PTPN7: variants seen among roughly 807,000 people sequenced by gnomAD.
The protein encoded by PTPN7 is tyrosine-protein phosphatase non-receptor type 7.
PTPN7 carries 33 observed loss-of-function variants against 50.3 expected under a neutral mutation model. The ratio of observed to expected loss-of-function variants is 0.66; its 90% CI spans 0.50 to 0.88. The LOEUF (loss-of-function observed/expected upper bound fraction) is 0.88, where lower values mean the gene tolerates loss of function less well. Ranked by LOEUF, PTPN7 falls within the 40% of genes least tolerant of loss-of-function variation. The pLI is 0.00. For missense variants in PTPN7, 412 were observed against 475.4 expected (o/e 0.87, Z 1.24); for synonymous variants, 185 against 186.6 (o/e 0.99, Z 0.07).
chr1:202,148,285 C>A lies in PTPN7; in HGVS notation c.*321G>T. On this transcript the variant is annotated 3_prime_UTR_variant, in exon 10 of 10. Coordinates refer to ENST00000691036, the MANE Select transcript of PTPN7 (RefSeq NM_002832.4). ...AGCTCACAAAGAGTGTCTCAGAGAACACCAGGACACCTGGGCTTCTTTCTT... is the reference window on the plus strand; with the variant it reads ...AGCTCACAAAGAGTGTCTCAGAGAAAACCAGGACACCTGGGCTTCTTTCTT... 1 of 254,738 alleles carries A rather than the reference C, an allele frequency of 3.9e-6. No individual in the cohort carries two copies. The highest frequency in any genetic ancestry group is 7.5e-6 in the Non-Finnish European group (1 of 133,654). The allele number at this position is 254,738 out of a possible 1,614,324, so 15.8% of individuals were successfully genotyped here. A position where few individuals can be genotyped will look rare whatever the true frequency, so the allele number is the denominator to read the frequency against.
In PTPN7 at chr1:202,160,397, A is replaced by C; in HGVS notation, c.-53+148T>G. On this transcript the variant is annotated intron_variant, in intron 1 of 9. Coordinates refer to ENST00000691036, the MANE Select transcript of PTPN7 (RefSeq NM_002832.4). This position sits in a 1 kb window ranked among gnomAD's most constrained non-coding sequence, Gnocchi z 4.8. ...CCCTGCTCACCCCCGTCTTGGGGAC[A>C]TCAGGTCTGTGAGCACCCATACCCC... 1.2e-6 allele frequency: 1 copy of C among 808,500 alleles called. No homozygotes were observed. Among genetic ancestry groups the C allele is most frequent in the South Asian group, 1.8e-5 (1 of 56,280 alleles). The allele number at this position is 808,500 out of a possible 1,614,324, so 50.1% of individuals were successfully genotyped here.
intron 4 of PTPN7, among the ~76,000 whole-genome samples, chr1:202,157,113 A>ATCTTAGGTAGG (rs1010269403): frequency 1.3e-5 from 2 of 152,226 alleles, no homozygotes; most frequent in African/African-American, 4.8e-5. Flanking sequence ...TAAGTTGAAT[A>ATCTTAGGTAGG]TCTTAGGTAA....
At chr1:202,161,443 C>A, upstream of PTPN7, 1 of 1,289,748 alleles carries the variant, frequency 7.8e-7, no homozygotes, top group Non-Finnish European at 1.0e-6. Context: ...CTCTTCGCTG[C>A]TGGGGTGCCT....
rs900435525 is a variant in PTPN7, at chr1:202,159,783, G to A, written c.-52-329C>T. On this transcript the variant is annotated intron_variant, in intron 1 of 9. Coordinates refer to ENST00000691036, the MANE Select transcript of PTPN7 (RefSeq NM_002832.4). The surrounding 1 kb of genome is among the most constrained non-coding windows in gnomAD (Gnocchi z 4.6). ...GCAGGTCCAAGTGGGAGAAGGCAAG[G>A]GAGGAAACAGAAAATATGTGTTCTC... The A allele has an allele frequency of 8.1e-7, 1 of 1,227,866 alleles. No individual in the cohort carries two copies. 76.1% of individuals were successfully genotyped at this position (1,227,866 alleles called of 1,614,324 possible). A position where few individuals can be genotyped will look rare whatever the true frequency, so the allele number is the denominator to read the frequency against.
At chr1:202,148,729 G>A in intron 9 of PTPN7, 30 bp from the exon 10 acceptor site, 2 of 1,598,118 alleles carry the variant, frequency 1.3e-6, no homozygotes, top group Middle Eastern at 1.7e-4. Context: ...GACCATGAGT[G>A]AAGGAGGGTC....
At position 202,155,102 on chromosome 1, in the gene PTPN7, G is replaced by A. The variant is rs143936971; in HGVS notation, c.468+431C>T. Among the ~76,000 whole-genome samples, 383 of 152,298 alleles carry A rather than the reference G, an allele frequency of 2.5e-3. 3 individuals carry two copies. The highest frequency in any genetic ancestry group is 7.9e-3 in the African/African-American group (330 of 41,560). ...GGCCTGGAGCTTCCTATAGCTTGAC[G>A]TCAATCAACCATCTTCATATAAGAG... On this transcript the variant is annotated intron_variant, in intron 5 of 9. Coordinates refer to ENST00000691036, the MANE Select transcript of PTPN7 (RefSeq NM_002832.4).
At chr1:202,155,437 T>C in intron 5 of PTPN7, 96 bp downstream of exon 5, 1 of 1,226,882 alleles carries the variant, frequency 8.2e-7, no homozygotes, top group Admixed American at 2.0e-5. Flanking sequence ...GGGTAGGAAA[T>C]GCAGGCACCT....
At chr1:202,156,205 G>A (rs1470352043) in intron 4 of PTPN7, among the ~76,000 whole-genome samples, 4 of 152,162 alleles carry the variant, frequency 2.6e-5, no homozygotes, top group African/African-American at 9.7e-5. Context: ...AGAGAAGAAA[G>A]GGAACGGAAC....
chr1:202,157,243 C>T (rs1415190592), intron 4 of PTPN7, among the ~76,000 whole-genome samples: 1 of 152,212 alleles, frequency 6.6e-6, no homozygotes, highest in East Asian at 1.9e-4. Context: ...GACGCGGTGG[C>T]TTACGCCTGT....
Position 202,159,266 on chromosome 1 carries a change from C to G in PTPN7, c.122+15G>C. The G allele has an allele frequency of 6.2e-7, 1 of 1,612,900 alleles. No individual in the cohort carries two copies. On this transcript the variant is annotated intron_variant, in intron 2 of 9. Transcript: ENST00000691036. This position sits in a 1 kb window ranked among gnomAD's most constrained non-coding sequence, Gnocchi z 4.6. ...CTCAGGGCTCGGAAGACCCCTCCCCCAGGGAAGATCTCACCTCTCCTGCAG... is the reference window on the plus strand; with the variant it reads ...CTCAGGGCTCGGAAGACCCCTCCCCGAGGGAAGATCTCACCTCTCCTGCAG...
At chr1:202,158,532 A>G in intron 2 of PTPN7, 1 of 445,086 alleles carries the variant, frequency 2.2e-6, no homozygotes, top group East Asian at 4.0e-5. Flanking sequence ...GGCTAATTTA[A>G]GTTTTTTTTT....
upstream of PTPN7, chr1:202,161,441 T>C (rs1657364995): frequency 7.8e-7 from 1 of 1,289,670 alleles, no homozygotes; most frequent in Non-Finnish European, 1.0e-6. Context: ...TCCTCTTCGC[T>C]GCTGGGGTGC....
At chr1:202,156,418 T>C (rs913151907) in intron 4 of PTPN7, among the ~76,000 whole-genome samples, 1 of 152,194 alleles carries the variant, frequency 6.6e-6, no homozygotes, top group African/African-American at 2.4e-5. Flanking sequence ...AGCTGTGAAG[T>C]GGGACTAGGA....
chr1:202,159,737 C>A lies in PTPN7; in HGVS notation c.-52-283G>T. ...AGAGAGAGGGGAGAGAGGCCACACA[C>A]CAGAGTACACAGGGCTCTGAGCAGG... On this transcript the variant is annotated intron_variant, in intron 1 of 9. Coordinates refer to ENST00000691036, the MANE Select transcript of PTPN7 (RefSeq NM_002832.4). This position sits in a 1 kb window ranked among gnomAD's most constrained non-coding sequence, Gnocchi z 4.6. 1 of 1,353,130 alleles carries A rather than the reference C, an allele frequency of 7.4e-7. No homozygotes were observed. The highest frequency in any genetic ancestry group is 9.5e-7 in the Non-Finnish European group (1 of 1,053,628). The allele number at this position is 1,353,130 out of a possible 1,614,324, so 83.8% of individuals were successfully genotyped here. A position where few individuals can be genotyped will look rare whatever the true frequency, so the allele number is the denominator to read the frequency against.
At chr1:202,157,975 C>T in intron 3 of PTPN7, 143 bp downstream of exon 3, 1 of 1,254,930 alleles carries the variant, frequency 8.0e-7, no homozygotes, top group African/African-American at 1.5e-5. Context: ...AGCCTGGGGG[C>T]AGCCCCTCCC....
In PTPN7 at chr1:202,154,294, A is replaced by G; in HGVS notation, c.498T>C (p.Ile166=). The stretch of plus-strand genomic sequence containing the variant: ...TGTTGGGCATGGGGCCCTGGGTGGC[A>G]ATGTAGACCTTCTCCTTCCCGTCAT... The part of the protein sequence containing the change: ...RGYDGKEKVY[I]ATQGPMPNTV... Residue 166 remains isoleucine, a synonymous_variant, in exon 6 of 10, where the codon ATT becomes ATC. Transcript: ENST00000691036. 6.2e-7 allele frequency: 1 copy of G among 1,613,912 alleles called. No individual in the cohort carries two copies. Among genetic ancestry groups the G allele is most frequent in the Non-Finnish European group, 8.5e-7 (1 of 1,179,934 alleles).
In PTPN7 at chr1:202,148,433, G is replaced by C. The variant is rs1407229169; in HGVS notation, c.*173C>G. 5.5e-6 allele frequency: 3 copies of C among 540,758 alleles called. No homozygotes were observed. Among genetic ancestry groups the C allele is most frequent in the African/African-American group, 3.8e-5 (2 of 52,172 alleles). 33.5% of individuals were successfully genotyped at this position (540,758 alleles called of 1,614,324 possible). ...GGCCAGTGTTGAAGACCTGGAATCC[G>C]GCCCCTTGTCCTTACTGCTGCTGCT... On this transcript the variant is annotated 3_prime_UTR_variant, in exon 10 of 10. Coordinates refer to ENST00000691036, the MANE Select transcript of PTPN7 (RefSeq NM_002832.4).
intron 5 of PTPN7, 91 bp downstream of exon 5, chr1:202,155,442 G>A (rs1406969481): frequency 1.6e-6 from 2 of 1,264,770 alleles, no homozygotes; most frequent in Non-Finnish European, 2.3e-6. Context: ...GGAAATGCAG[G>A]CACCTGATCC....
upstream of PTPN7, chr1:202,161,050 C>G: frequency 7.2e-7 from 1 of 1,386,554 alleles, no homozygotes; most frequent in East Asian, 2.8e-5. Context: ...CCCTCTCCCT[C>G]AAAGCCCTTG....
Sources: allele counts gnomAD v4.1 joint callset (sites outside exome capture counted in the v4.1 genomes callset), GRCh38; gene constraint gnomAD v4.1.1; non-coding constraint Gnocchi (gnomAD v3.1); transcripts MANE v1.5; gene names NCBI Gene and HGNC (gene_info 2026-07-23, HGNC 2026-07-21).